Variants in APTX observed in about 807,000 individuals in gnomAD.
APTX encodes forkhead-associated domain histidine triad-like protein.
Under a neutral mutation model 42.3 loss-of-function variants are expected in APTX, and 33 were observed. The ratio of observed to expected loss-of-function variants is 0.78; its 90% confidence interval spans 0.59 to 1.04. The LOEUF (loss-of-function observed/expected upper bound fraction) is 1.04. Ranked by LOEUF, APTX falls within the 50% of genes least tolerant of loss-of-function variation. The pLI, the probability that APTX is intolerant of heterozygous loss-of-function variation, is 0.00. For missense variants in APTX, 421 were observed against 415.1 expected, an observed-to-expected ratio of 1.01 and a Z score of -0.12; for synonymous variants, 130 against 146.7, an observed-to-expected ratio of 0.89 and a Z score of 0.82.
At chr9:33,023,009 T>C (rs1227431172) in intron 1 of APTX, among the ~76,000 whole-genome samples, 1 of 152,066 alleles carries the variant, frequency 6.6e-6, no homozygotes, top group Non-Finnish European at 1.5e-5. Flanking sequence ...CTCTAATTTT[T>C]GTAGAAACGA....
At chr9:33,009,799 TAATA>T (rs796833705) in intron 1 of APTX, among the ~76,000 whole-genome samples, 6 of 151,184 alleles carry the variant, frequency 4.0e-5, no homozygotes, top group African/African-American at 1.5e-4. Flanking sequence ...AAAAAAATAA[TAATA>T]AAGAAAAGAA....
chr9:33,016,669 TCCCC>T (rs60192650), intron 1 of APTX, among the ~76,000 whole-genome samples: 2 of 147,648 alleles, frequency 1.4e-5, no homozygotes, highest in African/African-American at 2.5e-5. Flanking sequence ...TGCATTACAC[TCCCC>T]CCCCCATTTT....
intron 1 of APTX, among the ~76,000 whole-genome samples, chr9:33,011,230 T>C (rs778227575): frequency 2.0e-5 from 3 of 151,872 alleles, no homozygotes; most frequent in Non-Finnish European, 4.4e-5. Flanking sequence ...AAAAAAGTCA[T>C]GTGGATATCT....
At chr9:33,001,510 G>A (rs758028369) in intron 1 of APTX, 57 bp downstream of exon 1, 2 of 1,611,800 alleles carry the variant, frequency 1.2e-6, no homozygotes, top group South Asian at 1.1e-5. Context: ...TCGGCCGAAC[G>A]CTCACCCGCG....
rs541992156 is a variant in APTX, at chr9:32,981,215, A to C, written c.770+3416T>G. On this transcript the variant is annotated intron_variant, in intron 6 of 7. Coordinates refer to ENST00000379817, the MANE Select transcript of APTX (RefSeq NM_001195248.2). ...GGGTTAGGAATCCTGTAACTATTTT[A>C]TGGGTACACTAGGACTGAACAAGTA... is the stretch of plus-strand genomic sequence containing the variant. Among the ~76,000 whole-genome samples, 5 of 152,322 alleles carry C rather than the reference A, an allele frequency of 3.3e-5. No individual in the cohort carries two copies. The South Asian group carries it at 1.0e-3, about 32-fold the overall frequency.
chr9:32,988,063 C>T lies in APTX; in HGVS notation c.180+20G>A, dbSNP rs1290024126. On this transcript the variant is annotated intron_variant, in intron 3 of 7. Coordinates refer to ENST00000379817, the MANE Select transcript of APTX (RefSeq NM_001195248.2). ...AAGAAAATCATCGAGTATAAAATTC[C>T]AAGTTATAAATACACCTACCTGCTT... The T allele has an allele frequency of 6.2e-7, 1 of 1,612,438 alleles. No individual in the cohort carries two copies. Among genetic ancestry groups the T allele is most frequent in the South Asian group, 1.1e-5 (1 of 91,046 alleles).
intron 1 of APTX, among the ~76,000 whole-genome samples, chr9:33,017,320 GT>G (rs1161352742): frequency 6.6e-6 from 1 of 152,176 alleles, no homozygotes; most frequent in Non-Finnish European, 1.5e-5. Flanking sequence ...CATTAACTGG[GT>G]AGCTTACAAA....
At chr9:33,020,648 A>G (rs1212338759) in intron 1 of APTX, among the ~76,000 whole-genome samples, 2 of 152,264 alleles carry the variant, frequency 1.3e-5, no homozygotes, top group African/African-American at 4.8e-5. Flanking sequence ...ATGAGGAAAG[A>G]GAAAAGAAAC....
chr9:33,015,586 T>C (rs751837867), intron 1 of APTX, among the ~76,000 whole-genome samples: 9 of 152,212 alleles, frequency 5.9e-5, no homozygotes, highest in Non-Finnish European at 1.0e-4. Flanking sequence ...CTTGAACTCC[T>C]GATCTCATGA....
At position 32,984,777 on chromosome 9, in the gene APTX, G is replaced by A. The variant is rs750594349; in HGVS notation, c.624C>T (p.Thr208=). 2 of 1,614,214 alleles carry A rather than the reference G, an allele frequency of 1.2e-6. No individual in the cohort carries two copies. The highest frequency in any genetic ancestry group is 1.1e-5 in the South Asian group (1 of 91,084). The change falls in exon 6 of 8, where the codon ACC becomes ACT. Residue 208 remains threonine (T), a synonymous_variant. Transcript: ENST00000379817. ...CCACAGCCTTCAGACTGGAAATGGAGGTCCACGGTAAGACCAGCCAATGGT... is the reference window on the plus strand; with the variant it reads ...CCACAGCCTTCAGACTGGAAATGGAAGTCCACGGTAAGACCAGCCAATGGT... ...ARYHWLVLPW[T]SISSLKAVAR...
chr9:33,016,727 A>G (rs1837929947), intron 1 of APTX, among the ~76,000 whole-genome samples: 2 of 151,600 alleles, frequency 1.3e-5, no homozygotes, highest in African/African-American at 4.8e-5. Context: ...TCTGAAAAGT[A>G]CTCACTGCTA....
At chr9:32,988,268 C>A in intron 2 of APTX, 139 bp from the exon 3 acceptor site, 1 of 743,312 alleles carries the variant, frequency 1.3e-6, no homozygotes, top group Non-Finnish European at 2.4e-6. Flanking sequence ...TTAGCAATCA[C>A]CTGTTATTGC....
chr9:32,991,966 G>C (rs1169072061), intron 1 of APTX, among the ~76,000 whole-genome samples: 1 of 152,176 alleles, frequency 6.6e-6, no homozygotes, highest in East Asian at 1.9e-4. Context: ...CTCAAGCTGT[G>C]ATATGTGGGT....
chr9:33,009,319 CT>C (rs1294142874), intron 1 of APTX, among the ~76,000 whole-genome samples: 1 of 152,156 alleles, frequency 6.6e-6, no homozygotes, highest in African/African-American at 2.4e-5. Flanking sequence ...CCTGCCTTGC[CT>C]TCCACCACCT....
chr9:33,017,439 T>A (rs1837976850), intron 1 of APTX, among the ~76,000 whole-genome samples: 1 of 152,100 alleles, frequency 6.6e-6, no homozygotes, highest in Non-Finnish European at 1.5e-5. Flanking sequence ...GACAGAGCTG[T>A]CCTCACATGG....
At chr9:33,021,129 CAAAAAA>C (rs11384877) in intron 1 of APTX, among the ~76,000 whole-genome samples, 1 of 107,530 alleles carries the variant, frequency 9.3e-6, no homozygotes, top group Non-Finnish European at 1.9e-5. Flanking sequence ...AACTCTGTCT[CAAAAAA>C]AAAAAAAAAG....
rs763915253 is a variant in APTX, at chr9:32,989,895, T to G, written c.-4A>C. ...CCAACCAGCACACCCGCATCATCACTCTAAGGGACAAAACAAAAGAATCAC... is the reference window on the plus strand; with the variant it reads ...CCAACCAGCACACCCGCATCATCACGCTAAGGGACAAAACAAAAGAATCAC... On this transcript the variant is annotated splice_region_variant and 5_prime_UTR_variant, in exon 2 of 8. Transcript: ENST00000379817. 6.2e-7 allele frequency: 1 copy of G among 1,613,658 alleles called. No individual in the cohort carries two copies. The highest frequency in any genetic ancestry group is 1.3e-5 in the African/African-American group (1 of 75,012).
chr9:32,975,845 A>T (rs1214344344), intron 6 of APTX, among the ~76,000 whole-genome samples: 1 of 152,226 alleles, frequency 6.6e-6, no homozygotes, highest in Non-Finnish European at 1.5e-5. Flanking sequence ...TCTGTATTAC[A>T]TCAAAATGAT....
upstream of APTX, among the ~76,000 whole-genome samples, chr9:33,002,653 G>C (rs1178676157): frequency 2.0e-5 from 3 of 152,178 alleles, no homozygotes; most frequent in Non-Finnish European, 4.4e-5. Context: ...TTGGAGTTGA[G>C]CCTAATCTCT....
Sources: gnomAD v4.1 joint callset for allele counts (sites outside exome capture counted in the v4.1 genomes callset) on GRCh38, gnomAD v4.1.1 for gene constraint, MANE v1.5 for transcripts, NCBI Gene and HGNC (gene_info 2026-07-23, HGNC 2026-07-21) for gene names.